Variants in CAMTA1 observed in about 807,000 individuals in gnomAD.
CAMTA1 encodes the protein calmodulin-binding transcription activator 1.
Under a neutral mutation model 170.9 loss-of-function variants are expected in CAMTA1, and 27 were observed. The ratio of observed to expected loss-of-function variants is 0.16; its 90% confidence interval spans 0.12 to 0.22. CAMTA1 has a LOEUF of 0.22. CAMTA1 is among the 10% of genes least tolerant of loss of function. The pLI, the probability that CAMTA1 is intolerant of heterozygous loss-of-function variation, is 1.00. For synonymous variants in CAMTA1, 833 were observed against 891.5 expected, an observed-to-expected ratio of 0.93 and a Z score of 1.17; for missense variants, 1,619 against 2,217.2, an observed-to-expected ratio of 0.73 and a Z score of 5.42.
intron 6 of CAMTA1, among the ~76,000 whole-genome samples, chr1:7,500,689 C>T (rs918510571): frequency 6.6e-6 from 1 of 152,174 alleles, no homozygotes; most frequent in African/African-American, 2.4e-5. Flanking sequence ...TCAATTACCA[C>T]GGCTCAAAGT....
intron 5 of CAMTA1, among the ~76,000 whole-genome samples, chr1:7,422,183 G>A (rs2091606454): frequency 6.6e-6 from 1 of 152,164 alleles, no homozygotes. Flanking sequence ...TGTGCTGTGG[G>A]TCGTACATGC....
At chr1:7,262,078 A>G (rs1668259236) in intron 5 of CAMTA1, among the ~76,000 whole-genome samples, 1 of 152,234 alleles carries the variant, frequency 6.6e-6, no homozygotes, top group South Asian at 2.1e-4. Flanking sequence ...GCTTTTATAC[A>G]TGGAATTAGA....
intron 6 of CAMTA1, among the ~76,000 whole-genome samples, chr1:7,618,730 G>C (rs570521452): frequency 7.2e-5 from 11 of 152,280 alleles, no homozygotes; most frequent in African/African-American, 2.6e-4. Flanking sequence ...GTGGCTTAGG[G>C]TGTTTACCTC....
intron 3 of CAMTA1, among the ~76,000 whole-genome samples, chr1:6,883,693 C>T (rs1046575245): frequency 1.3e-4 from 20 of 151,784 alleles, no homozygotes; most frequent in Admixed American, 4.6e-4. Context: ...TTGGGATAGT[C>T]GAAGAGTAGA....
intron 4 of CAMTA1, among the ~76,000 whole-genome samples, chr1:7,148,112 C>T (rs372137672): frequency 1.4e-4 from 21 of 151,416 alleles, no homozygotes; most frequent in Admixed American, 3.3e-4. Context: ...ACCACACACA[C>T]GCACACACAC....
chr1:7,044,764 G>A lies in CAMTA1; in HGVS notation c.235-46540G>A, dbSNP rs1705089064. 6.6e-6 allele frequency among the ~76,000 whole-genome samples: 1 copy of A among 151,074 alleles called. No homozygotes were observed. The highest frequency in any genetic ancestry group is 1.5e-5 in the Non-Finnish European group (1 of 67,728). On this transcript the variant is annotated intron_variant, in intron 3 of 22. Transcript: ENST00000303635. The surrounding 1 kb of genome is among the most constrained non-coding windows in gnomAD (Gnocchi z 5.0). ...AACTTACCCTGCGTGCAGTCCTCCT[G>A]CCCCCCTGCCTGGCGCATCTTTCCC...
intron 5 of CAMTA1, among the ~76,000 whole-genome samples, chr1:7,285,614 TGAGCTATTTTAAAGATGTTGGTACAACAG>T (rs1672239697): frequency 6.6e-6 from 1 of 152,214 alleles, no homozygotes; most frequent in African/African-American, 2.4e-5. Flanking sequence ...TTTAAAGAGC[TGAGCTATTTTAAAGATGTTGGTACAACAG>T]AACCCTCTAA....
chr1:7,550,640 C>T (rs2094786919), intron 6 of CAMTA1, among the ~76,000 whole-genome samples: 2 of 151,184 alleles, frequency 1.3e-5, no homozygotes, highest in South Asian at 4.2e-4. Context: ...CCTCACCTAA[C>T]CACACCTACC....
chr1:7,292,852 G>T (rs1673346885), intron 5 of CAMTA1, among the ~76,000 whole-genome samples: 1 of 152,126 alleles, frequency 6.6e-6, no homozygotes, highest in African/African-American at 2.4e-5. Flanking sequence ...CTGATCCCAT[G>T]CCACGTGTTT....
At chr1:7,452,937 A>T (rs1365639786) in intron 5 of CAMTA1, among the ~76,000 whole-genome samples, 2 of 152,212 alleles carry the variant, frequency 1.3e-5, no homozygotes, top group South Asian at 2.1e-4. Flanking sequence ...AATGGGCCAC[A>T]GTTTCTCTAT....
At position 6,944,764 on chromosome 1, in the gene CAMTA1, GT is replaced by G. The variant is rs1378221579; in HGVS notation, c.234+119558del. On this transcript the variant is annotated intron_variant, in intron 3 of 22. Coordinates refer to ENST00000303635, the MANE Select transcript of CAMTA1 (RefSeq NM_015215.4). ...GACAGTCTTTGACTTGCCGTGGTTC[GT>G]TTTGCAGTTTTTCCACTGTACCAAT... Among the ~76,000 whole-genome samples, 3 of 152,248 alleles carry G rather than the reference GT, an allele frequency of 2.0e-5. No homozygotes were observed. The East Asian group carries it at 5.8e-4, about 29-fold the overall frequency.
chr1:6,854,008 C>T (rs900189571), intron 3 of CAMTA1, among the ~76,000 whole-genome samples: 6 of 152,140 alleles, frequency 3.9e-5, no homozygotes, highest in African/African-American at 1.4e-4. Flanking sequence ...AACAAAGTAT[C>T]AGTAAGGACA....
At chr1:7,256,544 C>T (rs1244675666) in intron 5 of CAMTA1, among the ~76,000 whole-genome samples, 1 of 152,090 alleles carries the variant, frequency 6.6e-6, no homozygotes, top group Non-Finnish European at 1.5e-5. Context: ...TGGGCGACAG[C>T]GAGACTCCGT....
intron 1 of CAMTA1, among the ~76,000 whole-genome samples, chr1:6,805,840 C>T (rs1408503059): frequency 6.6e-6 from 1 of 151,874 alleles, no homozygotes; most frequent in Non-Finnish European, 1.5e-5. Context: ...CTTTGAAGAA[C>T]AGAAGTTTTA....
chr1:7,500,920 G>A (rs1194275003), intron 6 of CAMTA1, among the ~76,000 whole-genome samples: 1 of 152,116 alleles, frequency 6.6e-6, no homozygotes, highest in Non-Finnish European at 1.5e-5. Context: ...CACCCAACTG[G>A]CAAGAGGGGT....
chr1:6,917,297 G>A (rs1456392245), intron 3 of CAMTA1, among the ~76,000 whole-genome samples: 3 of 152,132 alleles, frequency 2.0e-5, no homozygotes, highest in African/African-American at 7.2e-5. Context: ...TGGGCGGGAT[G>A]CAGGGCCTGG....
intron 9 of CAMTA1, among the ~76,000 whole-genome samples, chr1:7,668,429 A>ACACACC (rs1553241707): frequency 6.3e-5 from 8 of 126,656 alleles, no homozygotes; most frequent in East Asian, 3.6e-4. Flanking sequence ...ACACACACAC[A>ACACACC]CACCCACCAC....
intron 16 of CAMTA1, among the ~76,000 whole-genome samples, chr1:7,741,437 C>T (rs372225270): frequency 2.0e-5 from 3 of 152,008 alleles, no homozygotes; most frequent in Non-Finnish European, 2.9e-5. Flanking sequence ...GTGGCGGGCA[C>T]CTGTAGTCCC....
chr1:7,339,170 C>T (rs6659087), intron 5 of CAMTA1, among the ~76,000 whole-genome samples: 114,764 of 152,090 alleles, frequency 0.75, 44,152 homozygotes, highest in African/African-American at 0.91. Context: ...CTGTGTATTT[C>T]AAAAAGTAAG....
Sources: gnomAD v4.1 joint callset for allele counts (sites outside exome capture counted in the v4.1 genomes callset) on GRCh38, gnomAD v4.1.1 for gene constraint, Gnocchi (gnomAD v3.1) non-coding constraint, MANE v1.5 for transcripts, NCBI Gene and HGNC (gene_info 2026-07-23, HGNC 2026-07-21) for gene names.